The following CCDC6 variants were observed in gnomAD, a reference collection of about 807,000 sequenced individuals.
CCDC6 encodes the protein coiled-coil domain-containing protein 6.
A neutral mutation model predicts 56.6 loss-of-function variants in CCDC6; 20 were observed. The ratio of observed to expected loss-of-function variants is 0.35; its 90% CI spans 0.25 to 0.51. CCDC6 has a LOEUF of 0.51. Ranked by LOEUF, CCDC6 falls within the 20% of genes least tolerant of loss-of-function variation. The probability of loss-of-function intolerance (pLI) is 0.95; values close to 1 mark genes in which losing one functional copy is unlikely to be tolerated. For missense variants in CCDC6, 367 were observed against 601.1 expected, an observed-to-expected ratio of 0.61 and a Z score of 4.07; for synonymous variants, 241 against 234.4, an observed-to-expected ratio of 1.03 and a Z score of -0.26.
intron 1 of CCDC6, among the ~76,000 whole-genome samples, chr10:59,891,670 G>A (rs2071423102): frequency 6.6e-6 from 1 of 152,182 alleles, no homozygotes; most frequent in Non-Finnish European, 1.5e-5. Context: ...AGAGAGGGAG[G>A]CAGAGAAACC....
chr10:59,801,186 G>C (rs918267092), intron 7 of CCDC6, among the ~76,000 whole-genome samples: 6 of 151,582 alleles, frequency 4.0e-5, no homozygotes, highest in African/African-American at 1.5e-4. Flanking sequence ...TATATCTTTG[G>C]CTAAAGAAAA....
chr10:59,840,778 A>G (rs2070931137), intron 2 of CCDC6, among the ~76,000 whole-genome samples: 1 of 152,036 alleles, frequency 6.6e-6, no homozygotes, highest in African/African-American at 2.4e-5. Context: ...TTTTTTCTAC[A>G]CCACTTCTAA....
intron 1 of CCDC6, among the ~76,000 whole-genome samples, chr10:59,855,940 C>T (rs1443002404): frequency 1.3e-5 from 2 of 152,136 alleles, no homozygotes; most frequent in African/African-American, 4.8e-5. Flanking sequence ...GAGGCCGAGG[C>T]TTTGGCAAAC....
intron 1 of CCDC6, among the ~76,000 whole-genome samples, chr10:59,868,071 G>A (rs2071192338): frequency 6.6e-6 from 1 of 152,174 alleles, no homozygotes; most frequent in African/African-American, 2.4e-5. Flanking sequence ...CTTAACCTTG[G>A]CAAAATAAAC....
chr10:59,826,454 G>A (rs2132640232), intron 3 of CCDC6, among the ~76,000 whole-genome samples: 1 of 152,252 alleles, frequency 6.6e-6, no homozygotes. Context: ...GGCATTCTCT[G>A]CTGGCTAGGG....
intron 1 of CCDC6, among the ~76,000 whole-genome samples, chr10:59,875,263 T>C (rs556008742): frequency 2.5e-4 from 38 of 152,308 alleles, no homozygotes; most frequent in East Asian, 3.9e-4. Flanking sequence ...ATCTATATAA[T>C]GAACCTGTTT....
chr10:59,868,481 C>A (rs1030658503), intron 1 of CCDC6, among the ~76,000 whole-genome samples: 8 of 152,166 alleles, frequency 5.3e-5, no homozygotes, highest in Non-Finnish European at 1.0e-4. Flanking sequence ...AGCTCACTGC[C>A]ACTGGACACT....
chr10:59,828,125 T>C (rs2070804589), intron 3 of CCDC6, among the ~76,000 whole-genome samples: 1 of 152,224 alleles, frequency 6.6e-6, no homozygotes, highest in Non-Finnish European at 1.5e-5. Flanking sequence ...TAAGATTTCT[T>C]GACATGAACA....
intron 1 of CCDC6, among the ~76,000 whole-genome samples, chr10:59,886,002 A>G (rs1178187353): frequency 6.7e-6 from 1 of 149,290 alleles, no homozygotes; most frequent in Non-Finnish European, 1.5e-5. Flanking sequence ...ACAGCCTTAT[A>G]TACAGAATAA....
At chr10:59,873,595 C>T (rs751350586) in intron 1 of CCDC6, among the ~76,000 whole-genome samples, 12 of 152,242 alleles carry the variant, frequency 7.9e-5, no homozygotes, top group South Asian at 4.1e-4. Flanking sequence ...GTTACAACAG[C>T]CTTGGGAAAC....
intron 2 of CCDC6, among the ~76,000 whole-genome samples, chr10:59,836,052 TAA>T (rs59353306): frequency 1.4e-4 from 8 of 57,576 alleles, no homozygotes; most frequent in Admixed American, 4.3e-4. Context: ...CGACCCTGTC[TAA>T]AAAAAAAAAA....
intron 2 of CCDC6, among the ~76,000 whole-genome samples, chr10:59,834,816 C>A (rs575864216): frequency 6.6e-6 from 1 of 152,044 alleles, no homozygotes; most frequent in Non-Finnish European, 1.5e-5. Flanking sequence ...AGAACTAAGA[C>A]GAATGAATAG....
chr10:59,832,704 T>C (rs531775570), intron 2 of CCDC6, 51 bp from the exon 3 acceptor site: 5 of 1,578,562 alleles, frequency 3.2e-6, no homozygotes, highest in African/African-American at 2.7e-5. Flanking sequence ...TCAAATGCCA[T>C]GGAAACACTG....
At chr10:59,870,625 G>A (rs971395866) in intron 1 of CCDC6, among the ~76,000 whole-genome samples, 1 of 152,032 alleles carries the variant, frequency 6.6e-6, no homozygotes, top group East Asian at 1.9e-4. Flanking sequence ...CCAGACTCCT[G>A]GACAGGTAGG....
At position 59,859,229 on chromosome 10, in the gene CCDC6, T is replaced by C. The variant is rs2071106451; in HGVS notation, c.304-6527A>G. ...GTGTGTGTGTGTGTGTGTGTGTGTG[T>C]GTGTGTGTATGAAGGTAAAAGAATC... On this transcript the variant is annotated intron_variant, in intron 1 of 8. Coordinates refer to ENST00000263102, the MANE Select transcript of CCDC6 (RefSeq NM_005436.5). Among the ~76,000 whole-genome samples the C allele has an allele frequency of 2.7e-5, 4 of 148,936 alleles. No homozygotes were observed. The South Asian group carries it at 8.7e-4, about 32-fold the overall frequency.
intron 3 of CCDC6, among the ~76,000 whole-genome samples, chr10:59,830,355 A>G (rs1236840958): frequency 6.6e-6 from 1 of 152,186 alleles, no homozygotes; most frequent in Non-Finnish European, 1.5e-5. Flanking sequence ...TGGTCAGATC[A>G]TATCCATGGA....
At chr10:59,842,137 G>T (rs1417622720) in intron 2 of CCDC6, among the ~76,000 whole-genome samples, 1 of 151,834 alleles carries the variant, frequency 6.6e-6, no homozygotes, top group African/African-American at 2.4e-5. Context: ...CTGCCTCCTG[G>T]TTCAACTGAT....
At chr10:59,886,716 A>C (rs1376993695) in intron 1 of CCDC6, among the ~76,000 whole-genome samples, 2 of 152,194 alleles carry the variant, frequency 1.3e-5, no homozygotes, top group Admixed American at 6.5e-5. Context: ...CAGGTGGGAA[A>C]TTTTTTTGCA....
chr10:59,838,696 A>C (rs994006706), intron 2 of CCDC6, among the ~76,000 whole-genome samples: 6 of 152,072 alleles, frequency 3.9e-5, no homozygotes, highest in African/African-American at 1.4e-4. Flanking sequence ...TGCCAACCAA[A>C]CACTTTTGGT....
Sources: allele counts gnomAD v4.1 joint callset (sites outside exome capture counted in the v4.1 genomes callset), GRCh38; gene constraint gnomAD v4.1.1; transcripts MANE v1.5; gene names NCBI Gene and HGNC (gene_info 2026-07-23, HGNC 2026-07-21).